RBFOX1: variants seen among roughly 807,000 people sequenced by gnomAD.
RBFOX1 encodes the protein RNA binding fox-1 homolog 1.
RBFOX1 carries 8 observed loss-of-function variants against 57.7 expected under a neutral mutation model. The ratio of observed to expected loss-of-function variants is 0.14; its 90% CI spans 0.08 to 0.25. RBFOX1 has a LOEUF of 0.25. RBFOX1 is among the 10% of genes least tolerant of loss of function. The probability of loss-of-function intolerance (pLI) is 1.00; values close to 1 mark genes in which losing one functional copy is unlikely to be tolerated. For synonymous variants in RBFOX1, 326 were observed against 222.4 expected (o/e 1.47, Z -4.15); for missense variants, 611 against 548.5 (o/e 1.11, Z -1.14).
intron 4 of RBFOX1, among the ~76,000 whole-genome samples, chr16:5,890,744 C>T (rs188694015): frequency 2.0e-5 from 3 of 151,300 alleles, no homozygotes; most frequent in Admixed American, 6.6e-5. Context: ...GTCTTCAGCC[C>T]TACATCTGTC....
chr16:6,732,153 A>G (rs12162044), intron 3 of RBFOX1, among the ~76,000 whole-genome samples: 42,943 of 151,968 alleles, frequency 0.28, 6,857 homozygotes, highest in East Asian at 0.56. Flanking sequence ...TTTCCCCTAT[A>G]CATCTGATCC....
chr16:6,775,019 A>G (rs753781887), intron 3 of RBFOX1, among the ~76,000 whole-genome samples: 2 of 152,120 alleles, frequency 1.3e-5, no homozygotes, highest in Non-Finnish European at 2.9e-5. Context: ...CATATCTTAT[A>G]TAACATACCT....
intron 1 of RBFOX1, among the ~76,000 whole-genome samples, chr16:5,390,678 A>G (rs991043275): frequency 6.6e-6 from 1 of 152,128 alleles, no homozygotes; most frequent in Non-Finnish European, 1.5e-5. Flanking sequence ...GGTGGCTGGA[A>G]TGAAGCTCTA....
chr16:6,410,843 A>G lies in RBFOX1; in HGVS notation c.-64+93786A>G, dbSNP rs551966658. On this transcript the variant is annotated intron_variant, in intron 2 of 15. Transcript: ENST00000550418. ...GGAAGTAGGCACTGTGGTCTGCACC[A>G]TTCGGCATAAGTCACTTAGCCCCTC... Among the ~76,000 whole-genome samples, 12 of 152,322 alleles carry G rather than the reference A, an allele frequency of 7.9e-5. No individual in the cohort carries two copies. In the East Asian group the frequency reaches 2.3e-3, roughly 29 times the overall value.
chr16:6,701,968 G>A (rs773381260), intron 3 of RBFOX1, among the ~76,000 whole-genome samples: 2 of 152,132 alleles, frequency 1.3e-5, no homozygotes, highest in Non-Finnish European at 2.9e-5. Context: ...GGAGGAGGGT[G>A]AGGCTCAAAA....
intron 4 of RBFOX1, among the ~76,000 whole-genome samples, chr16:7,482,254 C>T (rs966685050): frequency 1.4e-4 from 22 of 152,318 alleles, no homozygotes; most frequent in African/African-American, 4.3e-4. Flanking sequence ...CAAACAGTGT[C>T]AGCTGCAATC....
At chr16:6,931,334 TATCTCTACACACAC>T (rs2076500686) in intron 3 of RBFOX1, among the ~76,000 whole-genome samples, 2 of 134,652 alleles carry the variant, frequency 1.5e-5, no homozygotes, top group Non-Finnish European at 3.1e-5. Flanking sequence ...TCTATCTATC[TATCTCTACACACAC>T]ACACACACAC....
intron 14 of RBFOX1, among the ~76,000 whole-genome samples, chr16:7,698,437 GC>G (rs1290685093): frequency 2.0e-5 from 3 of 152,086 alleles, no homozygotes; most frequent in African/African-American, 7.2e-5. Context: ...TCTCTGTGGG[GC>G]AGGTTGCTAC....
intron 3 of RBFOX1, among the ~76,000 whole-genome samples, chr16:5,809,658 T>G (rs75546357): frequency 0.58 from 88,034 of 151,990 alleles, 27,341 homozygotes; most frequent in South Asian, 0.72. Context: ...TGGCAATCAT[T>G]AAAAAGTCAG....
chr16:7,070,211 A>C (rs185933749), intron 4 of RBFOX1, among the ~76,000 whole-genome samples: 2 of 152,174 alleles, frequency 1.3e-5, no homozygotes, highest in Admixed American at 1.3e-4. Flanking sequence ...TTTTGATGGC[A>C]CAGTGTCTTG....
At chr16:6,388,263 G>C (rs1332071645) in intron 2 of RBFOX1, among the ~76,000 whole-genome samples, 1 of 151,942 alleles carries the variant, frequency 6.6e-6, no homozygotes, top group Non-Finnish European at 1.5e-5. Flanking sequence ...ACCGTGCTTG[G>C]TCCTGTCTGT....
intron 4 of RBFOX1, among the ~76,000 whole-genome samples, chr16:7,072,180 C>T (rs187375893): frequency 1.3e-5 from 2 of 152,162 alleles, no homozygotes; most frequent in South Asian, 2.1e-4. Flanking sequence ...ATAGCACTTT[C>T]TTCTTTCCCC....
intron 3 of RBFOX1, among the ~76,000 whole-genome samples, chr16:6,824,748 C>G (rs2091878652): frequency 6.6e-6 from 1 of 151,842 alleles, no homozygotes; most frequent in African/African-American, 2.4e-5. Flanking sequence ...CAAAAGCTTT[C>G]TTTAAAAACT....
At chr16:6,816,787 C>A (rs932010767) in intron 3 of RBFOX1, among the ~76,000 whole-genome samples, 4 of 151,880 alleles carry the variant, frequency 2.6e-5, no homozygotes, top group African/African-American at 9.7e-5. Flanking sequence ...TTCTGTTACC[C>A]AGGTTGGACT....
intron 2 of RBFOX1, among the ~76,000 whole-genome samples, chr16:6,459,323 G>A (rs1184042452): frequency 2.6e-5 from 4 of 152,120 alleles, no homozygotes; most frequent in Non-Finnish European, 5.9e-5. Flanking sequence ...GCGACAGAGG[G>A]CGAAATCAGC....
intron 11 of RBFOX1, among the ~76,000 whole-genome samples, chr16:7,637,319 G>C (rs1207807600): frequency 6.6e-6 from 1 of 151,864 alleles, no homozygotes; most frequent in Non-Finnish European, 1.5e-5. Flanking sequence ...CAAATGCTTG[G>C]GAACCTGAAT....
intron 3 of RBFOX1, among the ~76,000 whole-genome samples, chr16:6,774,278 T>C (rs939335507): frequency 6.6e-6 from 1 of 152,138 alleles, no homozygotes; most frequent in Non-Finnish European, 1.5e-5. Context: ...ATGTCTACTC[T>C]ATTCCCTCCC....
At chr16:5,267,567 G>C (rs539511275) in intron 1 of RBFOX1, among the ~76,000 whole-genome samples, 14 of 151,930 alleles carry the variant, frequency 9.2e-5, no homozygotes, top group African/African-American at 3.4e-4. Flanking sequence ...TAAAGTGTTC[G>C]GGTTACAGGT....
At chr16:7,579,546 G>C (rs2093591987) in intron 5 of RBFOX1, among the ~76,000 whole-genome samples, 1 of 152,114 alleles carries the variant, frequency 6.6e-6, no homozygotes, top group African/African-American at 2.4e-5. Flanking sequence ...CTGAGGGCAG[G>C]GATTTTTGTC....
Sources: allele counts gnomAD v4.1 joint callset (sites outside exome capture counted in the v4.1 genomes callset), GRCh38; gene constraint gnomAD v4.1.1; transcripts MANE v1.5; gene names NCBI Gene and HGNC (gene_info 2026-07-23, HGNC 2026-07-21).